The following CLYBL variants were observed in gnomAD, a reference collection of about 807,000 sequenced individuals.
CLYBL encodes the protein citramalyl-CoA lyase, mitochondrial.
Under a neutral mutation model 38.9 loss-of-function variants are expected in CLYBL, and 31 were observed. That is an observed-to-expected ratio of 0.80 (90% CI 0.60 to 1.08). CLYBL has a LOEUF of 1.08. Ranked by LOEUF, CLYBL falls within the 50% of genes least tolerant of loss-of-function variation. CLYBL has a pLI of 0.00. For synonymous variants in CLYBL, 171 were observed against 158.6 expected, an observed-to-expected ratio of 1.08 and a Z score of -0.59; for missense variants, 434 against 411.6, an observed-to-expected ratio of 1.05 and a Z score of -0.47.
intron 1 of CLYBL, among the ~76,000 whole-genome samples, chr13:99,666,530 G>A (rs1294692755): frequency 6.6e-6 from 1 of 151,940 alleles, no homozygotes; most frequent in Non-Finnish European, 1.5e-5. Context: ...TTCTTAAATT[G>A]TTATTTCGAG....
At chr13:99,843,758 C>G (rs931821747) in intron 2 of CLYBL, among the ~76,000 whole-genome samples, 1 of 152,138 alleles carries the variant, frequency 6.6e-6, no homozygotes, top group Non-Finnish European at 1.5e-5. Context: ...TGCGCCACCA[C>G]TTCTGGCTAA....
intron 1 of CLYBL, among the ~76,000 whole-genome samples, chr13:99,762,966 A>G (rs922157583): frequency 1.3e-5 from 2 of 152,062 alleles, no homozygotes; most frequent in Non-Finnish European, 1.5e-5. Context: ...TATCTTTTTC[A>G]TATTGTTCAC....
Position 99,848,884 on chromosome 13 carries a change from A to G in CLYBL, c.250-9977A>G, listed in dbSNP as rs117064063. Among the ~76,000 whole-genome samples, 1,161 of 152,362 alleles carry G rather than the reference A, an allele frequency of 7.6e-3. 12 individuals carry two copies. Among genetic ancestry groups the G allele is most frequent in the Non-Finnish European group, 0.011 (746 of 68,044 alleles). On this transcript the variant is annotated intron_variant, in intron 2 of 8. Transcript: ENST00000339105. ...CTGAGTACCGTGGCTCACGCCGAAAATCCCAGCACTTTGGGAGACCGAGGC... is the reference window on the plus strand; with the variant it reads ...CTGAGTACCGTGGCTCACGCCGAAAGTCCCAGCACTTTGGGAGACCGAGGC...
chr13:99,872,199 A>G (rs1484571819), intron 7 of CLYBL, among the ~76,000 whole-genome samples: 1 of 152,160 alleles, frequency 6.6e-6, no homozygotes, highest in Non-Finnish European at 1.5e-5. Flanking sequence ...ACACTCACAC[A>G]CCAGCAGGCT....
chr13:99,699,993 A>AAAAAT (rs1315333855), intron 1 of CLYBL, among the ~76,000 whole-genome samples: 4 of 152,112 alleles, frequency 2.6e-5, no homozygotes, highest in African/African-American at 9.7e-5. Flanking sequence ...CTCCATCTAA[A>AAAAAT]AAAGTAAAAT....
chr13:99,864,759 C>A, intron 4 of CLYBL, 59 bp from the exon 5 acceptor site: 1 of 1,154,656 alleles, frequency 8.7e-7, no homozygotes. Flanking sequence ...ATGCACCGTG[C>A]CTCTTCCCTC....
chr13:99,891,196 G>T, intron 7 of CLYBL, 122 bp from the exon 8 acceptor site: 1 of 708,558 alleles, frequency 1.4e-6, no homozygotes, highest in Non-Finnish European at 2.4e-6. Flanking sequence ...CTCAAAAGTT[G>T]GGCGGGAAAG....
intron 7 of CLYBL, among the ~76,000 whole-genome samples, chr13:99,876,286 T>G (rs1677935179): frequency 6.6e-6 from 1 of 151,392 alleles, no homozygotes; most frequent in Non-Finnish European, 1.5e-5. Context: ...CTGGGTGTGG[T>G]AGCGGGTGAC....
At chr13:99,680,050 T>G (rs1265055295) in intron 1 of CLYBL, among the ~76,000 whole-genome samples, 1 of 152,226 alleles carries the variant, frequency 6.6e-6, no homozygotes, top group Non-Finnish European at 1.5e-5. Context: ...TGCTGGAAAC[T>G]TTTGCATTCA....
In CLYBL at chr13:99,611,179, A is replaced by T. The variant is rs565473646; in HGVS notation, c.62+4422A>T. Among the ~76,000 whole-genome samples, 3 of 152,354 alleles carry T rather than the reference A, an allele frequency of 2.0e-5. No homozygotes were observed. The South Asian group carries it at 6.2e-4, about 32-fold the overall frequency. On this transcript the variant is annotated intron_variant, in intron 1 of 8. Transcript: ENST00000339105. The stretch of plus-strand genomic sequence containing the variant: ...ACAATTGCTGTTCTTACTGAGATTC[A>T]TACATTTTTCTTGAATAAATGATCC...
chr13:99,751,765 G>A (rs1409562018), intron 1 of CLYBL, among the ~76,000 whole-genome samples: 1 of 152,168 alleles, frequency 6.6e-6, no homozygotes, highest in African/African-American at 2.4e-5. Context: ...CGGTGAGAAT[G>A]TACTCAGTGT....
intron 1 of CLYBL, among the ~76,000 whole-genome samples, chr13:99,736,074 T>C (rs1305457194): frequency 7.6e-6 from 1 of 132,206 alleles, no homozygotes; most frequent in Non-Finnish European, 1.6e-5. Context: ...AGCTGGAATC[T>C]CGCTCTGTCA....
chr13:99,845,736 C>T (rs902006964), intron 2 of CLYBL, among the ~76,000 whole-genome samples: 8 of 152,150 alleles, frequency 5.3e-5, no homozygotes, highest in African/African-American at 9.7e-5. Flanking sequence ...AGCCACCTCC[C>T]GGGGGCCTGG....
intron 2 of CLYBL, among the ~76,000 whole-genome samples, chr13:99,819,413 A>AATTT (rs1384321241): frequency 4.3e-4 from 28 of 64,550 alleles, no homozygotes; most frequent in African/African-American, 1.4e-3. Flanking sequence ...ACTGGGAAAA[A>AATTT]ATTTATATAT....
chr13:99,891,990 A>G (rs966236470), intron 8 of CLYBL: 4 of 152,342 alleles, frequency 2.6e-5, no homozygotes, highest in Non-Finnish European at 4.4e-5. Context: ...ACTGGTTACT[A>G]TTAACCTCCA....
intron 2 of CLYBL, among the ~76,000 whole-genome samples, chr13:99,799,836 C>T (rs1199727853): frequency 1.3e-5 from 2 of 152,208 alleles, no homozygotes; most frequent in Non-Finnish European, 2.9e-5. Flanking sequence ...ACAGGTTACA[C>T]GTGAAGCACA....
At chr13:99,752,703 C>A (rs2048980304) in intron 1 of CLYBL, among the ~76,000 whole-genome samples, 1 of 152,038 alleles carries the variant, frequency 6.6e-6, no homozygotes, top group African/African-American at 2.4e-5. Context: ...CCTTCACCGG[C>A]TCCCACCTTC....
chr13:99,826,638 A>G (rs765699279), intron 2 of CLYBL, among the ~76,000 whole-genome samples: 9 of 152,212 alleles, frequency 5.9e-5, no homozygotes, highest in Non-Finnish European at 1.2e-4. Flanking sequence ...TCATAGTCCA[A>G]CTCTGATCTT....
chr13:99,645,984 T>C (rs1388777528), intron 1 of CLYBL, among the ~76,000 whole-genome samples: 1 of 152,166 alleles, frequency 6.6e-6, no homozygotes, highest in Non-Finnish European at 1.5e-5. Flanking sequence ...TTCCTGTGGC[T>C]GAGAAATTCC....
Sources: allele counts gnomAD v4.1 joint callset (sites outside exome capture counted in the v4.1 genomes callset), GRCh38; gene constraint gnomAD v4.1.1; transcripts MANE v1.5; gene names NCBI Gene and HGNC (gene_info 2026-07-23, HGNC 2026-07-21).